The following TNRC6B variants were observed in gnomAD, a reference collection of about 807,000 sequenced individuals.
TNRC6B encodes trinucleotide repeat-containing gene 6B protein.
TNRC6B carries 52 observed loss-of-function variants against 203.6 expected under a neutral mutation model. The ratio of observed to expected loss-of-function variants is 0.26; its 90% CI spans 0.20 to 0.32. The LOEUF (loss-of-function observed/expected upper bound fraction) is 0.32, where lower values mean the gene tolerates loss of function less well. Ranked by LOEUF, TNRC6B falls within the 10% of genes least tolerant of loss-of-function variation. The pLI, the probability that TNRC6B is intolerant of heterozygous loss-of-function variation, is 1.00. For missense variants in TNRC6B, 1,923 were observed against 2,286.2 expected, an observed-to-expected ratio of 0.84 and a Z score of 3.24; for synonymous variants, 838 against 845.7, an observed-to-expected ratio of 0.99 and a Z score of 0.16.
intron 4 of TNRC6B, among the ~76,000 whole-genome samples, chr22:40,159,238 C>T (rs750085525): frequency 3.3e-5 from 5 of 150,908 alleles, no homozygotes; most frequent in Non-Finnish European, 7.4e-5. Context: ...GCTGGGATTA[C>T]AGGCGTGAGC....
At chr22:40,303,091 C>CCAACCTCCACCTCCCA (rs1335431180) in intron 15 of TNRC6B, among the ~76,000 whole-genome samples, 5 of 147,570 alleles carry the variant, frequency 3.4e-5, no homozygotes, top group Non-Finnish European at 6.0e-5. Flanking sequence ...ACTCTGTCGC[C>CCAACCTCCACCTCCCA]CAACCTCCAC....
intron 1 of TNRC6B, among the ~76,000 whole-genome samples, chr22:40,192,153 G>A (rs576875546): frequency 6.6e-6 from 1 of 152,300 alleles, no homozygotes; most frequent in Middle Eastern, 3.4e-3. Context: ...TGTGATTATA[G>A]GTGTGAGCAA....
intron 1 of TNRC6B, among the ~76,000 whole-genome samples, chr22:40,086,310 C>A (rs1186810500): frequency 6.6e-6 from 1 of 152,116 alleles, no homozygotes; most frequent in East Asian, 1.9e-4. Flanking sequence ...CAAAAGAGAC[C>A]AGTAAGGTCT....
At chr22:40,274,460 G>A (rs1454161182) in intron 7 of TNRC6B, among the ~76,000 whole-genome samples, 12 of 145,094 alleles carry the variant, frequency 8.3e-5, no homozygotes, top group South Asian at 2.2e-4. Flanking sequence ...TTGCTCTGTC[G>A]CCCAGGCTGG....
chr22:40,263,332 C>T (rs535685373), intron 4 of TNRC6B, among the ~76,000 whole-genome samples: 1 of 152,314 alleles, frequency 6.6e-6, no homozygotes, highest in South Asian at 2.1e-4. Context: ...AAAGAAACCT[C>T]GTGGTGACAC....
intron 1 of TNRC6B, among the ~76,000 whole-genome samples, chr22:40,199,292 A>G (rs2069379672): frequency 6.6e-6 from 1 of 152,148 alleles, no homozygotes; most frequent in African/African-American, 2.4e-5. Flanking sequence ...TACTTCTTCA[A>G]AAATACTTAA....
At chr22:40,132,507 G>A (rs1024003948) in intron 3 of TNRC6B, among the ~76,000 whole-genome samples, 1 of 149,502 alleles carries the variant, frequency 6.7e-6, no homozygotes, top group Non-Finnish European at 1.5e-5. Context: ...GGGCGAGGGC[G>A]AGGGCGAGGG....
intron 3 of TNRC6B, among the ~76,000 whole-genome samples, chr22:40,152,944 T>TA (rs1419617844): frequency 6.6e-6 from 1 of 151,530 alleles, no homozygotes; most frequent in Admixed American, 6.6e-5. Context: ...GTACTAAAAA[T>TA]ACAAAAAATT....
chr22:40,221,371 G>A (rs964353246), intron 1 of TNRC6B, among the ~76,000 whole-genome samples: 1 of 152,144 alleles, frequency 6.6e-6, no homozygotes, highest in Non-Finnish European at 1.5e-5. Flanking sequence ...ATGCAGATAC[G>A]TTTAGTTGTT....
chr22:40,281,355 T>G, intron 11 of TNRC6B, 66 bp downstream of exon 11: 33 of 1,312,134 alleles, frequency 2.5e-5, no homozygotes, highest in Non-Finnish European at 3.3e-5. Flanking sequence ...GTCTGCAGTT[T>G]ATTGCATCAT....
chr22:40,078,827 A>G (rs1003272418), intron 1 of TNRC6B, among the ~76,000 whole-genome samples: 1 of 151,796 alleles, frequency 6.6e-6, no homozygotes. Flanking sequence ...TAATCCCAGC[A>G]GTTTGGGAGG....
intron 1 of TNRC6B, among the ~76,000 whole-genome samples, chr22:40,113,467 A>T (rs1346615100): frequency 6.6e-6 from 1 of 151,978 alleles, no homozygotes; most frequent in African/African-American, 2.4e-5. Context: ...CCATCCTCCC[A>T]CCTCAGCCTC....
chr22:40,179,823 C>G (rs1411733892), intron 1 of TNRC6B, among the ~76,000 whole-genome samples: 1 of 152,062 alleles, frequency 6.6e-6, no homozygotes, highest in African/African-American at 2.4e-5. Flanking sequence ...TTTCTTTGGG[C>G]CAATTGTGTG....
At chr22:40,125,357 G>T (rs1456292946) in intron 2 of TNRC6B, among the ~76,000 whole-genome samples, 5 of 152,100 alleles carry the variant, frequency 3.3e-5, no homozygotes, top group African/African-American at 1.2e-4. Context: ...AATTCCAATA[G>T]CCTTAGCCTA....
intron 1 of TNRC6B, among the ~76,000 whole-genome samples, chr22:40,055,998 T>A (rs1459594542): frequency 6.6e-6 from 1 of 152,224 alleles, no homozygotes; most frequent in Non-Finnish European, 1.5e-5. Flanking sequence ...AAAAGGGAGA[T>A]TAATTGGATA....
At chr22:40,241,727 C>G (rs912287889) in intron 1 of TNRC6B, among the ~76,000 whole-genome samples, 2 of 152,210 alleles carry the variant, frequency 1.3e-5, no homozygotes, top group Non-Finnish European at 2.9e-5. Flanking sequence ...TTACTCTTCT[C>G]AACCCTTTAT....
chr22:40,232,591 T>C lies in TNRC6B; in HGVS notation c.6-13424T>C, dbSNP rs150143421. 2.0e-3 allele frequency among the ~76,000 whole-genome samples: 306 copies of C among 152,294 alleles called. 1 individual carries two copies. The highest frequency in any genetic ancestry group is 7.2e-3 in the African/African-American group (299 of 41,546). On this transcript the variant is annotated intron_variant, in intron 1 of 22. Coordinates refer to ENST00000454349, the MANE Select transcript of TNRC6B (RefSeq NM_001162501.2). ...TTTGCTGAGCTGCCCAGCTCTAGAG[T>C]ATGTAAAGCATGAGACAAATGTTCT...
intron 1 of TNRC6B, among the ~76,000 whole-genome samples, chr22:40,071,680 A>G (rs1396233058): frequency 6.6e-6 from 1 of 152,206 alleles, no homozygotes; most frequent in Non-Finnish European, 1.5e-5. Context: ...TCTTTAGCTC[A>G]GACATTCCAG....
At chr22:40,240,943 T>C (rs2070020387) in intron 1 of TNRC6B, among the ~76,000 whole-genome samples, 1 of 152,174 alleles carries the variant, frequency 6.6e-6, no homozygotes, top group Non-Finnish European at 1.5e-5. Context: ...GGTTTGATTT[T>C]TGAGACATAA....
Sources: gnomAD v4.1 joint callset for allele counts (sites outside exome capture counted in the v4.1 genomes callset) on GRCh38, gnomAD v4.1.1 for gene constraint, MANE v1.5 for transcripts, NCBI Gene and HGNC (gene_info 2026-07-23, HGNC 2026-07-21) for gene names.